SCLT1: variants seen among roughly 807,000 people sequenced by gnomAD.
SCLT1 encodes the protein sodium channel-associated protein 1.
SCLT1 carries 78 observed loss-of-function variants against 112.8 expected under a neutral mutation model. The observed-to-expected ratio is 0.69, with a 90% CI of 0.58 to 0.83. The LOEUF (loss-of-function observed/expected upper bound fraction) is 0.83, where lower values mean the gene tolerates loss of function less well. Among genes scored for constraint, SCLT1 ranks in the 40% least tolerant of loss-of-function variants. The pLI is 0.00. For synonymous variants in SCLT1, 257 were observed against 254.7 expected, an observed-to-expected ratio of 1.01 and a Z score of -0.09; for missense variants, 747 against 770.4, an observed-to-expected ratio of 0.97 and a Z score of 0.36.
At chr4:128,926,739 T>C (rs318561) in intron 18 of SCLT1, among the ~76,000 whole-genome samples, 105,129 of 151,820 alleles carry the variant, frequency 0.69, 36,466 homozygotes, top group Admixed American at 0.72. Context: ...TTACTGTTCA[T>C]ATATAGTTTG....
chr4:129,048,288 T>C (rs560538665), intron 2 of SCLT1, among the ~76,000 whole-genome samples: 10 of 151,952 alleles, frequency 6.6e-5, no homozygotes, highest in African/African-American at 1.4e-4. Flanking sequence ...GAGATATAGA[T>C]CAATGGAACA....
intron 18 of SCLT1, among the ~76,000 whole-genome samples, chr4:128,912,420 ATTT>A (rs929863157): frequency 1.3e-5 from 2 of 152,154 alleles, no homozygotes; most frequent in African/African-American, 4.8e-5. Context: ...TTAAAAATAA[ATTT>A]TTTAACTTGA....
At chr4:128,975,905 T>A (rs1280909298) in intron 9 of SCLT1, among the ~76,000 whole-genome samples, 5 of 152,156 alleles carry the variant, frequency 3.3e-5, no homozygotes, top group African/African-American at 1.2e-4. Flanking sequence ...ATGAAACCTA[T>A]TCAAGACAGA....
intron 2 of SCLT1, among the ~76,000 whole-genome samples, chr4:129,063,620 C>T (rs1320682538): frequency 6.6e-6 from 1 of 152,126 alleles, no homozygotes; most frequent in Non-Finnish European, 1.5e-5. Context: ...CACCTGTGGG[C>T]CAGCTGGTGT....
intron 9 of SCLT1, among the ~76,000 whole-genome samples, chr4:128,985,393 C>G (rs931468891): frequency 1.3e-5 from 2 of 152,074 alleles, no homozygotes; most frequent in African/African-American, 4.8e-5. Context: ...AATTTTTTGG[C>G]CTCTTTATTA....
intron 1 of SCLT1, among the ~76,000 whole-genome samples, chr4:129,082,833 T>A (rs1468963433): frequency 6.6e-6 from 1 of 151,984 alleles, no homozygotes; most frequent in Non-Finnish European, 1.5e-5. Flanking sequence ...GAATCCAAAT[T>A]AAACAGGAGT....
intron 11 of SCLT1, 46 bp from the exon 12 acceptor site, chr4:128,959,823 G>T: frequency 1.4e-6 from 2 of 1,456,596 alleles, no homozygotes; most frequent in Non-Finnish European, 1.9e-6. Context: ...TTTTTAAAGG[G>T]AAGGAGGGAG....
intron 13 of SCLT1, among the ~76,000 whole-genome samples, chr4:128,956,812 T>C (rs1338767531): frequency 6.6e-6 from 1 of 152,148 alleles, no homozygotes; most frequent in Non-Finnish European, 1.5e-5. Flanking sequence ...CTATACAGTA[T>C]ATCCCACTAT....
At chr4:128,974,108 C>T (rs1740941879) in intron 9 of SCLT1, among the ~76,000 whole-genome samples, 1 of 152,074 alleles carries the variant, frequency 6.6e-6, no homozygotes, top group South Asian at 2.1e-4. Context: ...TAAGTTAATA[C>T]ATATTAAAGC....
intron 4 of SCLT1, among the ~76,000 whole-genome samples, chr4:129,042,366 C>A (rs1747773860): frequency 1.3e-5 from 2 of 152,236 alleles, no homozygotes; most frequent in East Asian, 3.9e-4. Flanking sequence ...ACACGTAGCT[C>A]ACTGAAACTC....
At chr4:129,040,844 A>AT (rs1177796363) in intron 4 of SCLT1, among the ~76,000 whole-genome samples, 5 of 151,450 alleles carry the variant, frequency 3.3e-5, no homozygotes, top group Admixed American at 1.3e-4. Context: ...AGCTGTCAAC[A>AT]TTTTTTTTTC....
chr4:129,075,189 T>C (rs1006909894), intron 2 of SCLT1, among the ~76,000 whole-genome samples: 4 of 152,186 alleles, frequency 2.6e-5, no homozygotes, highest in Non-Finnish European at 5.9e-5. Context: ...TGGCTCTCAC[T>C]CTAATAAATA....
chr4:129,073,695 T>C (rs1274715517), intron 2 of SCLT1, among the ~76,000 whole-genome samples: 1 of 152,178 alleles, frequency 6.6e-6, no homozygotes, highest in African/African-American at 2.4e-5. Flanking sequence ...AATGAATAAA[T>C]GAATTTCTTT....
chr4:129,033,277 T>G (rs1194199618), intron 5 of SCLT1, among the ~76,000 whole-genome samples: 1 of 146,894 alleles, frequency 6.8e-6, no homozygotes, highest in East Asian at 2.0e-4. Context: ...CACTCATAGG[T>G]GGGAGTTGAA....
intron 4 of SCLT1, among the ~76,000 whole-genome samples, chr4:129,040,869 C>G (rs763185226): frequency 5.3e-5 from 8 of 151,924 alleles, no homozygotes; most frequent in Admixed American, 2.6e-4. Flanking sequence ...AAAGAAGGAG[C>G]AATTATTTTT....
chr4:128,918,492 A>C (rs1579373337), intron 18 of SCLT1, among the ~76,000 whole-genome samples: 1 of 152,352 alleles, frequency 6.6e-6, no homozygotes, highest in East Asian at 1.9e-4. Context: ...ACAAAGAAAA[A>C]ACAACAGAGA....
intron 10 of SCLT1, 82 bp from the exon 11 acceptor site, chr4:128,965,400 A>AT: frequency 1.2e-6 from 1 of 851,366 alleles, no homozygotes; most frequent in Non-Finnish European, 2.0e-6. Flanking sequence ...AAAACAGCTC[A>AT]TGCTATAAAG....
At chr4:129,004,562 T>A (rs1439112871) in intron 5 of SCLT1, among the ~76,000 whole-genome samples, 1 of 152,034 alleles carries the variant, frequency 6.6e-6, no homozygotes, top group African/African-American at 2.4e-5. Flanking sequence ...AAATAATACA[T>A]ACTTAAGAGA....
At chr4:128,924,766 T>A (rs893821713) in intron 18 of SCLT1, among the ~76,000 whole-genome samples, 3 of 152,174 alleles carry the variant, frequency 2.0e-5, no homozygotes, top group African/African-American at 7.2e-5. Flanking sequence ...ACGTAAGCTC[T>A]GAAACGAACC....
Sources: allele counts gnomAD v4.1 joint callset (sites outside exome capture counted in the v4.1 genomes callset), GRCh38; gene constraint gnomAD v4.1.1; transcripts MANE v1.5; gene names NCBI Gene and HGNC (gene_info 2026-07-23, HGNC 2026-07-21).